EFCAB5: variants seen among roughly 807,000 people sequenced by gnomAD.
EFCAB5 encodes the protein EF-hand calcium binding domain 5, also known as EF-hand calcium-binding domain-containing protein 5.
Under a neutral mutation model 167.9 loss-of-function variants are expected in EFCAB5, and 131 were observed. The observed-to-expected ratio is 0.78, with a 90% confidence interval of 0.68 to 0.90. The LOEUF (loss-of-function observed/expected upper bound fraction) is 0.90, where lower values mean the gene tolerates loss of function less well. Among genes scored for constraint, EFCAB5 ranks in the 40% least tolerant of loss-of-function variants. The pLI is 0.00. For missense variants in EFCAB5, 1,663 were observed against 1,745.2 expected, an observed-to-expected ratio of 0.95 and a Z score of 0.84; for synonymous variants, 574 against 602.8, an observed-to-expected ratio of 0.95 and a Z score of 0.70.
Position 29,996,370 on chromosome 17 carries a change from C to A in EFCAB5, c.973+10C>A. The A allele has an allele frequency of 6.5e-7, 1 of 1,542,542 alleles. No individual in the cohort carries two copies. The highest frequency in any genetic ancestry group is 8.8e-7 in the Non-Finnish European group (1 of 1,142,008). On this transcript the variant is annotated intron_variant, in intron 6 of 22. Transcript: ENST00000394835. Reference sequence around the variant, plus strand: ...CCAGATTTCAAGCTTGGTAAGTCTGCCTATTACTCTGATATTTTTATTTTT... The same window carrying A: ...CCAGATTTCAAGCTTGGTAAGTCTGACTATTACTCTGATATTTTTATTTTT...
At chr17:30,068,657 G>A (rs1319305866) in intron 14 of EFCAB5, 13 of 1,537,710 alleles carry the variant, frequency 8.5e-6, no homozygotes, top group African/African-American at 1.4e-5. Context: ...CTGCTATTCC[G>A]GGCCAGCGTC....
At chr17:29,977,074 T>A (rs1248606181) in intron 4 of EFCAB5, among the ~76,000 whole-genome samples, 4 of 152,178 alleles carry the variant, frequency 2.6e-5, no homozygotes, top group Admixed American at 1.3e-4. Flanking sequence ...TAAGTTTGTA[T>A]CATTCACTTT....
At chr17:29,998,873 T>G (rs2068601373) in intron 6 of EFCAB5, among the ~76,000 whole-genome samples, 1 of 152,318 alleles carries the variant, frequency 6.6e-6, no homozygotes, top group East Asian at 1.9e-4. Context: ...CAATAAGGAT[T>G]ACATAAATTG....
chr17:29,975,597 G>A (rs935332362), intron 4 of EFCAB5, among the ~76,000 whole-genome samples: 4 of 152,134 alleles, frequency 2.6e-5, no homozygotes, highest in Admixed American at 2.0e-4. Context: ...ACTTGTTTTA[G>A]TGTCTTTCCT....
At chr17:29,957,429 T>C (rs775631313) in intron 3 of EFCAB5, among the ~76,000 whole-genome samples, 1 of 152,176 alleles carries the variant, frequency 6.6e-6, no homozygotes, top group Non-Finnish European at 1.5e-5. Flanking sequence ...AACCATCACC[T>C]AGGTATTAAG....
At chr17:30,036,077 AT>A (rs1425395173) in intron 8 of EFCAB5, among the ~76,000 whole-genome samples, 1 of 144,842 alleles carries the variant, frequency 6.9e-6, no homozygotes, top group Non-Finnish European at 1.5e-5. Flanking sequence ...ATTTATATAT[AT>A]TTTATATATA....
intron 4 of EFCAB5, among the ~76,000 whole-genome samples, chr17:29,978,355 A>G (rs1225236830): frequency 2.0e-5 from 3 of 152,238 alleles, no homozygotes; most frequent in African/African-American, 4.8e-5. Flanking sequence ...GAATTGTGGT[A>G]GGACTTTATC....
At position 30,013,691 on chromosome 17, in the gene EFCAB5, C is replaced by A. The variant is rs531462889; in HGVS notation, c.1044+13715C>A. On this transcript the variant is annotated intron_variant, in intron 7 of 22. Transcript: ENST00000394835. ...TATTGCGTCTATTTGATTCTTCTCT[C>A]TTTTCTTCTTTATTAGTCTTGCTAG... 1.8e-4 allele frequency among the ~76,000 whole-genome samples: 26 copies of A among 144,670 alleles called. No homozygotes were observed. The South Asian group carries it at 4.9e-3, about 27-fold the overall frequency. The allele number at this position is 144,670 out of a possible 152,430, so 94.9% of individuals were successfully genotyped here. A position where few individuals can be genotyped will look rare whatever the true frequency, so the allele number is the denominator to read the frequency against.
chr17:29,930,159 C>T (rs2067163354), intron 1 of EFCAB5: 8 of 656,230 alleles, frequency 1.2e-5, no homozygotes, highest in Middle Eastern at 4.3e-4. Context: ...CCGCACCCAC[C>T]ACCAGACTGT....
At chr17:30,076,095 A>C (rs1031487900) in intron 14 of EFCAB5, among the ~76,000 whole-genome samples, 9 of 152,136 alleles carry the variant, frequency 5.9e-5, no homozygotes, top group Non-Finnish European at 1.3e-4. Flanking sequence ...GAGTCCAAAT[A>C]ATGACATTAG....
At chr17:30,004,270 G>A (rs967681391) in intron 7 of EFCAB5, among the ~76,000 whole-genome samples, 1 of 152,174 alleles carries the variant, frequency 6.6e-6, no homozygotes, top group African/African-American at 2.4e-5. Flanking sequence ...GATCTTATTT[G>A]CATCTTCTTT....
intron 1 of EFCAB5, among the ~76,000 whole-genome samples, chr17:29,933,994 C>A (rs946517614): frequency 6.6e-6 from 1 of 152,074 alleles, no homozygotes; most frequent in Non-Finnish European, 1.5e-5. Flanking sequence ...ATATTACTTA[C>A]TTTTAATGAC....
intron 1 of EFCAB5, among the ~76,000 whole-genome samples, chr17:29,935,726 CA>C (rs2067239539): frequency 6.8e-6 from 1 of 146,028 alleles, no homozygotes; most frequent in South Asian, 2.2e-4. Flanking sequence ...AAAAAACAAA[CA>C]AACAAAAAAC....
chr17:29,959,486 G>A (rs895313115), intron 3 of EFCAB5, among the ~76,000 whole-genome samples: 7 of 151,900 alleles, frequency 4.6e-5, no homozygotes, highest in Admixed American at 4.6e-4. Context: ...CTCACCCAAG[G>A]CAGTGAGTAC....
At position 30,050,061 on chromosome 17, in the gene EFCAB5, A is replaced by G. The variant is rs1005261452; in HGVS notation, c.1201-1057A>G. ...AAGTATAAAATATATTTCTTTACAG[A>G]TATGAATTAGATCTCAATGTTGAGT... On this transcript the variant is annotated intron_variant, in intron 8 of 22. Transcript: ENST00000394835. Among the ~76,000 whole-genome samples, 8 of 152,298 alleles carry G rather than the reference A, an allele frequency of 5.3e-5. No homozygotes were observed. In the South Asian group the frequency reaches 8.3e-4, roughly 16 times the overall value.
chr17:29,985,307 C>T (rs1225620291), intron 4 of EFCAB5, among the ~76,000 whole-genome samples: 1 of 152,178 alleles, frequency 6.6e-6, no homozygotes, highest in Non-Finnish European at 1.5e-5. Flanking sequence ...TACCCCTAGA[C>T]AGATTTCTCA....
At chr17:30,000,550 C>G (rs1788503609) in intron 7 of EFCAB5, among the ~76,000 whole-genome samples, 1 of 152,106 alleles carries the variant, frequency 6.6e-6, no homozygotes, top group Non-Finnish European at 1.5e-5. Context: ...CTAAGTCTTC[C>G]ACAGCCTACT....
At position 30,090,429 on chromosome 17, in the gene EFCAB5, T is replaced by C. The variant is rs1313906632; in HGVS notation, c.3692T>C (p.Leu1231Pro). The change falls in exon 20 of 23, where the codon CTC becomes CCC. Residue 1231 changes from leucine to proline, a missense_variant. Leu to Pro is a moderately conservative substitution (Grantham distance 98). Transcript: ENST00000394835. ...HRKSCIFRDF[L>P]FKCTDSSEVV... is the part of the protein sequence containing the mutation. ...TTTGGTTTTGATTTCAGAGATTTCC[T>C]CTTTAAATGTACTGACAGTTCAGAA... The C allele has an allele frequency of 1.6e-5, 25 of 1,610,742 alleles. No individual in the cohort carries two copies. The highest frequency in any genetic ancestry group is 2.1e-5 in the Non-Finnish European group (25 of 1,178,808).
intron 4 of EFCAB5, among the ~76,000 whole-genome samples, chr17:29,970,983 G>A (rs1440700289): frequency 6.6e-6 from 1 of 151,126 alleles, no homozygotes; most frequent in Non-Finnish European, 1.5e-5. Flanking sequence ...GCTGAGGTGG[G>A]AGAATCACTT....
Sources: gnomAD v4.1 joint callset for allele counts (sites outside exome capture counted in the v4.1 genomes callset) on GRCh38, gnomAD v4.1.1 for gene constraint, MANE v1.5 for transcripts, NCBI Gene and HGNC (gene_info 2026-07-23, HGNC 2026-07-21) for gene names.